Variants in DPP6 observed in about 807,000 individuals in gnomAD.
DPP6 encodes the protein dipeptidyl peptidase like 6.
A neutral mutation model predicts 122.6 loss-of-function variants in DPP6; 69 were observed. The ratio of observed to expected loss-of-function variants is 0.56; its 90% CI spans 0.46 to 0.69. The LOEUF (loss-of-function observed/expected upper bound fraction) is 0.69. Ranked by LOEUF, DPP6 falls within the 30% of genes least tolerant of loss-of-function variation. The probability of loss-of-function intolerance (pLI) is 0.00; values close to 1 mark genes in which losing one functional copy is unlikely to be tolerated. For synonymous variants in DPP6, 418 were observed against 433.1 expected, an observed-to-expected ratio of 0.97 and a Z score of 0.43; for missense variants, 928 against 1,116.9, an observed-to-expected ratio of 0.83 and a Z score of 2.41.
chr7:154,538,176 T>G (rs138019942), intron 3 of DPP6, among the ~76,000 whole-genome samples: 54 of 152,298 alleles, frequency 3.5e-4, no homozygotes, highest in Middle Eastern at 6.8e-3. Context: ...CTCATTGGTT[T>G]CCGTAGAAAC....
intron 1 of DPP6, among the ~76,000 whole-genome samples, chr7:154,057,229 A>T (rs193176214): frequency 0.029 from 4,360 of 150,062 alleles, 248 homozygotes; most frequent in African/African-American, 0.1. Context: ...AAGAAGCAAA[A>T]AAGCTGACTC....
chr7:154,021,243 G>A (rs1201792953), intron 1 of DPP6, among the ~76,000 whole-genome samples: 4 of 152,150 alleles, frequency 2.6e-5, no homozygotes, highest in Admixed American at 6.5e-5. Context: ...CCTCACAACA[G>A]CCGTGCGAGA....
chr7:153,759,457 G>T, the DPP6 span, among the ~76,000 whole-genome samples: 2 of 151,974 alleles, frequency 1.3e-5, no homozygotes, highest in Non-Finnish European at 2.9e-5. Context: ...TAGTAGCTGG[G>T]ACTACAGGCA....
the DPP6 span, among the ~76,000 whole-genome samples, chr7:153,846,122 G>A: frequency 6.6e-6 from 1 of 152,168 alleles, no homozygotes. Context: ...GTAGGAGAGT[G>A]TCAGGTGCCC....
intron 1 of DPP6, among the ~76,000 whole-genome samples, chr7:154,097,941 C>T (rs566613460): frequency 6.6e-6 from 1 of 152,298 alleles, no homozygotes; most frequent in East Asian, 1.9e-4. Context: ...TTCCTGTGAT[C>T]TAGTCTTATG....
At chr7:154,575,667 A>G (rs1229383521) in intron 5 of DPP6, among the ~76,000 whole-genome samples, 61 of 80,228 alleles carry the variant, frequency 7.6e-4, no homozygotes, top group African/African-American at 1.2e-3. Flanking sequence ...GTGTGTGTGT[A>G]TGTGTGTGGT....
intron 1 of DPP6, among the ~76,000 whole-genome samples, chr7:154,102,467 G>A (rs555769501): frequency 3.3e-5 from 5 of 152,164 alleles, no homozygotes; most frequent in Non-Finnish European, 7.3e-5. Flanking sequence ...GGGATTACAG[G>A]CATGAGCCAC....
intron 1 of DPP6, among the ~76,000 whole-genome samples, chr7:154,353,244 A>G (rs952063044): frequency 2.0e-5 from 3 of 152,236 alleles, no homozygotes; most frequent in African/African-American, 7.2e-5. Context: ...GAAACTTTCA[A>G]TAAAGCTTCT....
chr7:154,508,988 T>C (rs1420298681), intron 3 of DPP6, among the ~76,000 whole-genome samples: 1 of 152,096 alleles, frequency 6.6e-6, no homozygotes, highest in Admixed American at 6.6e-5. Context: ...TAACTCAAAA[T>C]GGATCAAAAA....
At chr7:154,871,195 C>T (rs1378385271) in intron 18 of DPP6, among the ~76,000 whole-genome samples, 1 of 151,950 alleles carries the variant, frequency 6.6e-6, no homozygotes, top group Non-Finnish European at 1.5e-5. Flanking sequence ...GCCTGCAGCA[C>T]TGGTGTGTGA....
At chr7:154,756,411 G>A (rs974957702) in intron 8 of DPP6, among the ~76,000 whole-genome samples, 6 of 152,104 alleles carry the variant, frequency 3.9e-5, no homozygotes, top group East Asian at 1.9e-4. Context: ...GACACCTGCA[G>A]ACTACAGGCA....
At chr7:153,884,795 T>C (rs1798846681), upstream of DPP6, among the ~76,000 whole-genome samples, 1 of 151,654 alleles carries the variant, frequency 6.6e-6, no homozygotes, top group Non-Finnish European at 1.5e-5. Context: ...GCATGACCAA[T>C]ATGGTGAAAC....
At chr7:153,952,150 C>A (rs1275123467) in intron 1 of DPP6, among the ~76,000 whole-genome samples, 1 of 152,214 alleles carries the variant, frequency 6.6e-6, no homozygotes, top group African/African-American at 2.4e-5. Flanking sequence ...AGAATGTAGA[C>A]CTCTTAAATA....
the DPP6 span, among the ~76,000 whole-genome samples, chr7:153,757,499 G>T: frequency 3.6e-5 from 5 of 139,336 alleles, no homozygotes; most frequent in African/African-American, 1.5e-4. Context: ...GGAGGGAAAC[G>T]GAATCAGTAG....
chr7:154,240,812 A>G (rs1285497110), intron 1 of DPP6, among the ~76,000 whole-genome samples: 1 of 152,244 alleles, frequency 6.6e-6, no homozygotes, highest in African/African-American at 2.4e-5. Context: ...CGGAATATCA[A>G]CAATGACAGT....
intron 17 of DPP6, among the ~76,000 whole-genome samples, chr7:154,867,144 C>T (rs1448976608): frequency 6.6e-6 from 1 of 152,190 alleles, no homozygotes; most frequent in Non-Finnish European, 1.5e-5. Flanking sequence ...GAAAAATTCC[C>T]TTTCACAATG....
chr7:154,037,308 A>G (rs552788914), intron 1 of DPP6, among the ~76,000 whole-genome samples: 6 of 152,190 alleles, frequency 3.9e-5, no homozygotes, highest in African/African-American at 2.4e-5. Context: ...CGAAGTGTTC[A>G]CTGAAACACA....
intron 1 of DPP6, among the ~76,000 whole-genome samples, chr7:154,248,361 C>T (rs1191126768): frequency 3.3e-5 from 5 of 152,008 alleles, no homozygotes; most frequent in Middle Eastern, 3.4e-3. Flanking sequence ...TGAAGGAAGC[C>T]AGGCAAAAAG....
intron 7 of DPP6, among the ~76,000 whole-genome samples, chr7:154,713,721 T>C (rs1309085162): frequency 6.6e-6 from 1 of 152,156 alleles, no homozygotes; most frequent in African/African-American, 2.4e-5. Context: ...GGAAAACTAT[T>C]TTTCCCTCCT....
Sources: gnomAD v4.1 joint callset for allele counts (sites outside exome capture counted in the v4.1 genomes callset) on GRCh38, gnomAD v4.1.1 for gene constraint, MANE v1.5 for transcripts, NCBI Gene and HGNC (gene_info 2026-07-23, HGNC 2026-07-21) for gene names.